ZNF695: variants seen among roughly 807,000 people sequenced by gnomAD.
ZNF695 encodes zinc finger protein SBZF3.
Under a neutral mutation model 11.2 loss-of-function variants are expected in ZNF695, and 11 were observed. The ratio of observed to expected loss-of-function variants is 0.98; its 90% CI spans 0.62 to 1.62. The LOEUF is 1.62. Ranked by LOEUF, ZNF695 falls within the 40% of genes most tolerant of loss-of-function variation. The pLI, the probability that ZNF695 is intolerant of heterozygous loss-of-function variation, is 0.00. For missense variants in ZNF695, 559 were observed against 590.5 expected (o/e 0.95, Z 0.55); for synonymous variants, 190 against 201.4 (o/e 0.94, Z 0.48).
chr1:246,953,304 A>G (rs77726423), intron 5 of ZNF695, among the ~76,000 whole-genome samples: 2 of 152,230 alleles, frequency 1.3e-5, no homozygotes, highest in Non-Finnish European at 2.9e-5. Context: ...TATTTTCAGA[A>G]AACCTACAGA....
At position 246,987,946 on chromosome 1, in the gene ZNF695, C is replaced by T. The variant is rs776742062; in HGVS notation, c.569G>A (p.Gly190Asp). The T allele has an allele frequency of 4.3e-6, 7 of 1,610,662 alleles. No homozygotes were observed. Among genetic ancestry groups the T allele is most frequent in the Admixed American group, 1.7e-5 (1 of 59,156 alleles). ...GEKPFKCKEC[G>D]NVSCMSLIMT... ...TATTAAAGACATGCAAGAGACATTG[C>T]CACATTCTTTGCATTTGAATGGTTT... Residue 190 changes from glycine to aspartate, a missense_variant, in exon 4 of 4, where the codon GGC becomes GAC. Coordinates refer to ENST00000339986, the MANE Select transcript of ZNF695 (RefSeq NM_020394.5).
At chr1:246,956,428 C>T (rs1296058995) in intron 5 of ZNF695, among the ~76,000 whole-genome samples, 3 of 149,884 alleles carry the variant, frequency 2.0e-5, no homozygotes, top group Non-Finnish European at 4.4e-5. Flanking sequence ...CCAGCCTGGC[C>T]AACATGGTGA....
chr1:246,990,664 T>C (rs1355563886), intron 3 of ZNF695, among the ~76,000 whole-genome samples: 1 of 152,202 alleles, frequency 6.6e-6, no homozygotes, highest in African/African-American at 2.4e-5. Context: ...AGAATACACA[T>C]TGTTTTCCTC....
downstream of ZNF695, among the ~76,000 whole-genome samples, chr1:246,981,332 A>C (rs1012713549): frequency 4.6e-5 from 7 of 152,246 alleles, no homozygotes; most frequent in Admixed American, 4.6e-4. Context: ...TTCCGCAAAA[A>C]AATTCAAAAT....
At chr1:246,961,411 C>T (rs1181232351) in intron 5 of ZNF695, among the ~76,000 whole-genome samples, 1 of 152,190 alleles carries the variant, frequency 6.6e-6, no homozygotes, top group Non-Finnish European at 1.5e-5. Context: ...TCCCACAGTG[C>T]CTGTTCTTAA....
At chr1:246,960,502 A>AAT (rs952905841) in intron 5 of ZNF695, among the ~76,000 whole-genome samples, 8 of 152,234 alleles carry the variant, frequency 5.3e-5, no homozygotes, top group African/African-American at 1.9e-4. Context: ...CTCTATATAT[A>AAT]TGCCCCAGAG....
In ZNF695 at chr1:246,986,742, T is replaced by G. The variant is rs1029626784; in HGVS notation, c.*225A>C. On this transcript the variant is annotated 3_prime_UTR_variant, in exon 4 of 4. Transcript: ENST00000339986. ...GAGGGTTTCCCTCCAGTATAAATTC[T>G]TCTGTGTACAGTAAGAGCTGTGATA... 16 of 1,226,800 alleles carry G rather than the reference T, an allele frequency of 1.3e-5. No homozygotes were observed. The Middle Eastern group carries it at 1.3e-3, about 98-fold the overall frequency. 76.0% of individuals were successfully genotyped at this position (1,226,800 alleles called of 1,614,324 possible).
At chr1:246,993,411 AAAAC>A (rs369768085) in intron 3 of ZNF695, among the ~76,000 whole-genome samples, 15 of 152,186 alleles carry the variant, frequency 9.9e-5, no homozygotes, top group East Asian at 3.9e-4. Flanking sequence ...TCTGTCTCAA[AAAAC>A]AAACAAACAA....
At chr1:246,966,549 C>T (rs776259580) in intron 5 of ZNF695, among the ~76,000 whole-genome samples, 1 of 152,060 alleles carries the variant, frequency 6.6e-6, no homozygotes, top group Non-Finnish European at 1.5e-5. Context: ...CTTTGGGAGG[C>T]TGAGGCAGGA....
intron 5 of ZNF695, among the ~76,000 whole-genome samples, chr1:246,959,428 T>G (rs934879719): frequency 2.0e-4 from 29 of 148,042 alleles, no homozygotes; most frequent in African/African-American, 7.3e-4. Flanking sequence ...AATGGGCATT[T>G]TTTTTGTTTT....
At chr1:246,969,678 T>A (rs1172112540) in intron 4 of ZNF695, 2 of 152,200 alleles carry the variant, frequency 1.3e-5, no homozygotes, top group African/African-American at 4.8e-5. Flanking sequence ...GTCTGGATAA[T>A]CTGTAAGGAA....
intron 4 of ZNF695, among the ~76,000 whole-genome samples, chr1:246,970,371 A>G (rs1398438427): frequency 2.0e-5 from 3 of 152,102 alleles, no homozygotes; most frequent in East Asian, 1.9e-4. Flanking sequence ...TCTGCAGGCA[A>G]TTTTCGAGTT....
Position 246,986,875 on chromosome 1 carries a change from G to A in ZNF695, c.*92C>T. Reference sequence around the variant, plus strand: ...TGGCCTTTTGACAGTCATTACATTTGTAACACTCTTATTCAGTAAAAATAT... The same window carrying A: ...TGGCCTTTTGACAGTCATTACATTTATAACACTCTTATTCAGTAAAAATAT... On this transcript the variant is annotated 3_prime_UTR_variant, in exon 4 of 4. Coordinates refer to ENST00000339986, the MANE Select transcript of ZNF695 (RefSeq NM_020394.5). 6.8e-7 allele frequency: 1 copy of A among 1,475,458 alleles called. No individual in the cohort carries two copies. The highest frequency in any genetic ancestry group is 9.0e-7 in the Non-Finnish European group (1 of 1,114,952). The allele number at this position is 1,475,458 out of a possible 1,614,324, so 91.4% of individuals were successfully genotyped here. A position where few individuals can be genotyped will look rare whatever the true frequency, so the allele number is the denominator to read the frequency against.
intron 5 of ZNF695, among the ~76,000 whole-genome samples, chr1:246,962,464 C>G (rs1264061922): frequency 6.6e-6 from 1 of 152,338 alleles, no homozygotes; most frequent in East Asian, 1.9e-4. Flanking sequence ...AAAGATTTTA[C>G]TTCTTAAATA....
Position 247,003,018 on chromosome 1 carries a change from G to A in ZNF695, c.4-2944C>T, listed in dbSNP as rs142057329. On this transcript the variant is annotated intron_variant, in intron 1 of 3. Coordinates refer to ENST00000339986, the MANE Select transcript of ZNF695 (RefSeq NM_020394.5). ...AAAGGAATGCCTATACACTGCTGGT[G>A]AAAACATAAATTAGCCACTGTGGAA... 1.4e-4 allele frequency among the ~76,000 whole-genome samples: 22 copies of A among 152,306 alleles called. No homozygotes were observed. In the East Asian group the frequency reaches 4.2e-3, roughly 29 times the overall value.
intron 5 of ZNF695, among the ~76,000 whole-genome samples, chr1:246,949,559 C>G (rs1572501171): frequency 6.6e-6 from 1 of 151,474 alleles, no homozygotes; most frequent in East Asian, 1.9e-4. Flanking sequence ...CTACTGCACT[C>G]CAGCCTAGGC....
chr1:247,002,390 C>A (rs1334601568), intron 1 of ZNF695, among the ~76,000 whole-genome samples: 2 of 152,098 alleles, frequency 1.3e-5, no homozygotes, highest in African/African-American at 4.8e-5. Flanking sequence ...TGCTAAATGC[C>A]CAGTTCAAAA....
chr1:246,996,685 T>C (rs1405555372), intron 3 of ZNF695, among the ~76,000 whole-genome samples: 1 of 152,224 alleles, frequency 6.6e-6, no homozygotes, highest in Admixed American at 6.5e-5. Flanking sequence ...AAGTATCTCA[T>C]GTACCCCATA....
chr1:246,957,297 C>T (rs975063665), intron 5 of ZNF695, among the ~76,000 whole-genome samples: 3 of 151,498 alleles, frequency 2.0e-5, no homozygotes, highest in Non-Finnish European at 2.9e-5. Context: ...GCAGGAGAAT[C>T]GCTTGAACTA....
Sources: gnomAD v4.1 joint callset for allele counts (sites outside exome capture counted in the v4.1 genomes callset) on GRCh38, gnomAD v4.1.1 for gene constraint, MANE v1.5 for transcripts, NCBI Gene and HGNC (gene_info 2026-07-23, HGNC 2026-07-21) for gene names.